The following PDE4D variants were observed in gnomAD, a reference collection of about 807,000 sequenced individuals.
PDE4D encodes phosphodiesterase 4D.
A neutral mutation model predicts 87.4 loss-of-function variants in PDE4D; 24 were observed. The ratio of observed to expected loss-of-function variants is 0.27; its 90% CI spans 0.20 to 0.39. The LOEUF (loss-of-function observed/expected upper bound fraction) is 0.39. Among genes scored for constraint, PDE4D ranks in the 10% least tolerant of loss-of-function variants. The pLI, the probability that PDE4D is intolerant of heterozygous loss-of-function variation, is 1.00. For missense variants in PDE4D, 714 were observed against 1,041.0 expected, an observed-to-expected ratio of 0.69 and a Z score of 4.32; for synonymous variants, 384 against 383.2, an observed-to-expected ratio of 1.00 and a Z score of -0.02.
chr5:60,062,766 G>T (rs1047277602), intron 2 of PDE4D, among the ~76,000 whole-genome samples: 1 of 152,014 alleles, frequency 6.6e-6, no homozygotes, highest in Non-Finnish European at 1.5e-5. Context: ...TCCTTTGCAG[G>T]GACATGGATG....
chr5:60,377,144 G>C (rs186142585), intron 1 of PDE4D, among the ~76,000 whole-genome samples: 2 of 152,082 alleles, frequency 1.3e-5, no homozygotes, highest in Non-Finnish European at 2.9e-5. Flanking sequence ...TGTGCTTCTC[G>C]CCTATAGCAT....
intron 1 of PDE4D, among the ~76,000 whole-genome samples, chr5:59,448,366 AC>A (rs1213292967): frequency 6.6e-6 from 1 of 152,062 alleles, no homozygotes; most frequent in Non-Finnish European, 1.5e-5. Flanking sequence ...CTGTTCTCAC[AC>A]CTGTCTCTTC....
At chr5:60,353,923 C>T (rs1179919996) in intron 1 of PDE4D, among the ~76,000 whole-genome samples, 1 of 152,092 alleles carries the variant, frequency 6.6e-6, no homozygotes, top group Non-Finnish European at 1.5e-5. Context: ...TTTATACCAC[C>T]ATTCACGGGA....
chr5:59,083,024 G>A (rs548942189), intron 5 of PDE4D, among the ~76,000 whole-genome samples: 3 of 152,106 alleles, frequency 2.0e-5, no homozygotes, highest in Non-Finnish European at 4.4e-5. Flanking sequence ...ATATATCTTC[G>A]AGTAATACTT....
At position 60,066,592 on chromosome 5, in the gene PDE4D, T is replaced by TATCATCATCATC. The variant is rs55735827; in HGVS notation, c.43-77887_43-77876dup. On this transcript the variant is annotated intron_variant, in intron 2 of 16. Coordinates refer to the PDE4D transcript ENST00000502484. ...TGTGCAGCTCCTTCCTAAAGCAAAT[T>TATCATCATCATC]ATCATCATCATCATCATCATCATCA... Among the ~76,000 whole-genome samples, 468 of 149,690 alleles carry TATCATCATCATC rather than the reference T, an allele frequency of 3.1e-3. 3 individuals carry two copies. Among genetic ancestry groups the TATCATCATCATC allele is most frequent in the Admixed American group, 0.011 (161 of 14,884 alleles).
intron 1 of PDE4D, among the ~76,000 whole-genome samples, chr5:59,636,995 T>C (rs1380384810): frequency 6.6e-6 from 1 of 152,072 alleles, no homozygotes; most frequent in Non-Finnish European, 1.5e-5. Context: ...TTTTGCAGTC[T>C]CCATCTGACA....
chr5:60,163,620 C>A (rs1266144283), intron 2 of PDE4D, among the ~76,000 whole-genome samples: 1 of 152,136 alleles, frequency 6.6e-6, no homozygotes, highest in Non-Finnish European at 1.5e-5. Flanking sequence ...CAGGGATGCA[C>A]AAGGCTCAGT....
At position 59,470,461 on chromosome 5, in the gene PDE4D, T is replaced by C. The variant is rs143065032; in HGVS notation, c.456-254493A>G. Among the ~76,000 whole-genome samples, 625 of 152,284 alleles carry C rather than the reference T, an allele frequency of 4.1e-3. 1 individual carries two copies. The highest frequency in any genetic ancestry group is 5.7e-3 in the Non-Finnish European group (388 of 68,024). ...TGTCAGTTCATGCTGTTGCAGACAGTTGGTAATTCCAACTACCAAAATACC... is the reference window on the plus strand; with the variant it reads ...TGTCAGTTCATGCTGTTGCAGACAGCTGGTAATTCCAACTACCAAAATACC... On this transcript the variant is annotated intron_variant, in intron 1 of 14. Transcript: ENST00000340635.
chr5:60,264,348 T>C (rs1749956815), intron 1 of PDE4D, among the ~76,000 whole-genome samples: 1 of 152,172 alleles, frequency 6.6e-6, no homozygotes, highest in African/African-American at 2.4e-5. Flanking sequence ...TGCCTGTTGA[T>C]TAATTTGACT....
At chr5:59,942,076 GAA>G (rs1457717499) in intron 3 of PDE4D, among the ~76,000 whole-genome samples, 2 of 152,340 alleles carry the variant, frequency 1.3e-5, no homozygotes, top group East Asian at 1.9e-4. Flanking sequence ...CCTGAACTTG[GAA>G]GGGGGTGAGA....
intron 1 of PDE4D, among the ~76,000 whole-genome samples, chr5:59,488,896 T>C (rs1805666807): frequency 6.6e-6 from 1 of 152,122 alleles, no homozygotes; most frequent in Non-Finnish European, 1.5e-5. Flanking sequence ...GCTTTCCAAC[T>C]GAGATGAGTC....
At chr5:59,888,390 G>T (rs1750471581) in intron 1 of PDE4D, among the ~76,000 whole-genome samples, 1 of 152,180 alleles carries the variant, frequency 6.6e-6, no homozygotes, top group African/African-American at 2.4e-5. Flanking sequence ...CAAAGGCTTA[G>T]AACACACTAG....
chr5:59,617,584 A>T (rs1829854196), intron 1 of PDE4D, among the ~76,000 whole-genome samples: 1 of 152,158 alleles, frequency 6.6e-6, no homozygotes, highest in Non-Finnish European at 1.5e-5. Context: ...CGCCTTTATA[A>T]AAAGAACACC....
chr5:59,118,122 A>G (rs936143955), intron 5 of PDE4D, among the ~76,000 whole-genome samples: 1 of 152,098 alleles, frequency 6.6e-6, no homozygotes, highest in Admixed American at 6.5e-5. Flanking sequence ...AGATCCTTCT[A>G]CCTTTCTAGC....
At chr5:59,072,385 C>T (rs770123486) in intron 5 of PDE4D, among the ~76,000 whole-genome samples, 5 of 152,078 alleles carry the variant, frequency 3.3e-5, no homozygotes, top group Admixed American at 6.6e-5. Flanking sequence ...TTCTAGCCAC[C>T]GGAGACACAG....
rs556644173 is a variant in PDE4D at position 59,464,233 on chromosome 5, A to G, written c.456-248265T>C. 5.6e-3 allele frequency among the ~76,000 whole-genome samples: 848 copies of G among 152,328 alleles called. 5 individuals carry two copies. Among genetic ancestry groups the G allele is most frequent in the Non-Finnish European group, 9.4e-3 (641 of 68,036 alleles). On this transcript the variant is annotated intron_variant, in intron 1 of 14. Coordinates refer to ENST00000340635, the MANE Select transcript of PDE4D (RefSeq NM_001104631.2). Reference sequence around the variant, plus strand: ...AGGGTCTGTGCTGAGGAGGATTAGTATAAGAGGAAGGCATGCCTCTTGCAG... The same window carrying G: ...AGGGTCTGTGCTGAGGAGGATTAGTGTAAGAGGAAGGCATGCCTCTTGCAG...
At chr5:59,794,769 T>G (rs1766265303) in intron 1 of PDE4D, among the ~76,000 whole-genome samples, 1 of 152,084 alleles carries the variant, frequency 6.6e-6, no homozygotes, top group African/African-American at 2.4e-5. Flanking sequence ...TAATGATGAA[T>G]TGTGCAAAAA....
At chr5:59,892,791 C>A (rs1344629923) in intron 1 of PDE4D, among the ~76,000 whole-genome samples, 1 of 151,880 alleles carries the variant, frequency 6.6e-6, no homozygotes, top group African/African-American at 2.4e-5. Flanking sequence ...TCTTCTCCAC[C>A]CAGAGCAAAC....
At chr5:59,351,637 G>A (rs927168298) in intron 1 of PDE4D, among the ~76,000 whole-genome samples, 2 of 152,112 alleles carry the variant, frequency 1.3e-5, no homozygotes, top group African/African-American at 4.8e-5. Context: ...AAAGCCAGGA[G>A]GGGGCAGAAG....
Sources: allele counts gnomAD v4.1 joint callset (sites outside exome capture counted in the v4.1 genomes callset), GRCh38; gene constraint gnomAD v4.1.1; transcripts MANE v1.5; gene names NCBI Gene and HGNC (gene_info 2026-07-23, HGNC 2026-07-21).